EPHA6: variants seen among roughly 807,000 people sequenced by gnomAD.
EPHA6 encodes ephrin type-A receptor 6.
EPHA6 carries 50 observed loss-of-function variants against 112.0 expected under a neutral mutation model. That is an observed-to-expected ratio of 0.45 (90% confidence interval 0.36 to 0.56). The LOEUF is 0.56. EPHA6 is among the 20% of genes least tolerant of loss of function. The probability of loss-of-function intolerance (pLI) is 0.00; values close to 1 mark genes in which losing one functional copy is unlikely to be tolerated. For synonymous variants in EPHA6, 529 were observed against 490.7 expected, an observed-to-expected ratio of 1.08 and a Z score of -1.03; for missense variants, 1,280 against 1,417.4, an observed-to-expected ratio of 0.90 and a Z score of 1.56.
intron 5 of EPHA6, among the ~76,000 whole-genome samples, chr3:97,291,534 T>C (rs894951176): frequency 6.7e-6 from 1 of 149,096 alleles, no homozygotes; most frequent in Non-Finnish European, 1.5e-5. Context: ...AGTTTGTTCT[T>C]TCTTTTTTGT....
intron 11 of EPHA6, among the ~76,000 whole-genome samples, chr3:97,538,561 T>C (rs990735191): frequency 4.6e-5 from 7 of 152,122 alleles, no homozygotes; most frequent in Admixed American, 3.9e-4. Context: ...GTTGAAGTCA[T>C]AGGGAGGATG....
At chr3:97,470,850 G>T (rs771568623) in intron 7 of EPHA6, among the ~76,000 whole-genome samples, 7 of 151,502 alleles carry the variant, frequency 4.6e-5, no homozygotes, top group Non-Finnish European at 8.9e-5. Flanking sequence ...CTTTGTCCAA[G>T]AATACAAGCT....
At chr3:97,672,639 A>C (rs895302641) in intron 14 of EPHA6, among the ~76,000 whole-genome samples, 2 of 152,114 alleles carry the variant, frequency 1.3e-5, no homozygotes, top group Non-Finnish European at 2.9e-5. Context: ...GCAAAATGGA[A>C]GGACAGAGAA....
intron 1 of EPHA6, among the ~76,000 whole-genome samples, chr3:96,849,753 T>C (rs72931385): frequency 0.013 from 2,025 of 152,260 alleles, 49 homozygotes; most frequent in African/African-American, 0.045. Context: ...CTAGCTGTGC[T>C]GACTGGAGGT....
chr3:97,189,471 T>C (rs917551678), intron 3 of EPHA6, among the ~76,000 whole-genome samples: 6 of 152,082 alleles, frequency 3.9e-5, no homozygotes, highest in Non-Finnish European at 7.4e-5. Flanking sequence ...TTTTTTGTCA[T>C]TTTCTCCAAA....
At chr3:97,241,269 T>A (rs1359369554) in intron 4 of EPHA6, among the ~76,000 whole-genome samples, 2 of 151,846 alleles carry the variant, frequency 1.3e-5, no homozygotes, top group Non-Finnish European at 2.9e-5. Flanking sequence ...ATGATGGACT[T>A]GAAAAACAGC....
At chr3:97,668,548 T>C (rs2030405843) in intron 14 of EPHA6, among the ~76,000 whole-genome samples, 2 of 152,140 alleles carry the variant, frequency 1.3e-5, no homozygotes, top group African/African-American at 4.8e-5. Flanking sequence ...TGAAATATTT[T>C]AGCCAGTTGT....
chr3:97,041,172 T>A (rs2045300738), intron 3 of EPHA6, among the ~76,000 whole-genome samples: 1 of 152,150 alleles, frequency 6.6e-6, no homozygotes, highest in Non-Finnish European at 1.5e-5. Flanking sequence ...TCCAACTCTG[T>A]GGGGTCAGTT....
chr3:97,451,751 A>G (rs538735699), intron 7 of EPHA6, among the ~76,000 whole-genome samples: 29 of 152,058 alleles, frequency 1.9e-4, no homozygotes, highest in South Asian at 1.7e-3. Flanking sequence ...GACGGCATCC[A>G]TCTTTTTCTC....
At chr3:96,879,793 T>G (rs114960004) in intron 2 of EPHA6, among the ~76,000 whole-genome samples, 2,197 of 152,226 alleles carry the variant, frequency 0.014, 60 homozygotes, top group African/African-American at 0.05. Flanking sequence ...GGGTTCTTGA[T>G]TTGATTCTCA....
chr3:97,711,295 G>A (rs1042015119), intron 14 of EPHA6, among the ~76,000 whole-genome samples: 1 of 150,726 alleles, frequency 6.6e-6, no homozygotes, highest in Non-Finnish European at 1.5e-5. Context: ...GTGGAACCAT[G>A]AGTCCACTAA....
chr3:97,533,650 C>T (rs1207179320), intron 11 of EPHA6, among the ~76,000 whole-genome samples: 1 of 152,048 alleles, frequency 6.6e-6, no homozygotes, highest in Non-Finnish European at 1.5e-5. Context: ...GGGACATTAG[C>T]AAGTGTGATG....
At chr3:97,513,466 T>A (rs1431556715) in intron 10 of EPHA6, among the ~76,000 whole-genome samples, 1 of 152,200 alleles carries the variant, frequency 6.6e-6, no homozygotes, top group African/African-American at 2.4e-5. Context: ...TGATGTGGTA[T>A]ATGTACACAA....
At chr3:97,027,564 T>C (rs1375984479) in intron 3 of EPHA6, among the ~76,000 whole-genome samples, 1 of 152,202 alleles carries the variant, frequency 6.6e-6, no homozygotes, top group Non-Finnish European at 1.5e-5. Context: ...TGAAGAATAC[T>C]AGTGTCAGTA....
At chr3:97,576,083 G>T (rs562966748) in intron 11 of EPHA6, among the ~76,000 whole-genome samples, 1 of 152,190 alleles carries the variant, frequency 6.6e-6, no homozygotes, top group South Asian at 2.1e-4. Flanking sequence ...GTAGGCTAAG[G>T]GAAATGGGAT....
intron 5 of EPHA6, among the ~76,000 whole-genome samples, chr3:97,305,285 T>A (rs2081269156): frequency 6.6e-6 from 1 of 152,110 alleles, no homozygotes; most frequent in East Asian, 1.9e-4. Context: ...TTGGTAGGAA[T>A]GTAAATTAGT....
chr3:96,880,644 A>C (rs1472012567), intron 2 of EPHA6, among the ~76,000 whole-genome samples: 6 of 152,136 alleles, frequency 3.9e-5, no homozygotes, highest in African/African-American at 1.4e-4. Context: ...TAGAGTGAAA[A>C]TATTTCATCA....
chr3:96,886,663 G>A (rs976752292), intron 2 of EPHA6, among the ~76,000 whole-genome samples: 14 of 152,084 alleles, frequency 9.2e-5, no homozygotes, highest in Non-Finnish European at 1.8e-4. Flanking sequence ...GGAGCATTTA[G>A]GCCATTTACA....
intron 14 of EPHA6, among the ~76,000 whole-genome samples, chr3:97,653,611 T>C (rs1157750277): frequency 6.6e-6 from 1 of 151,856 alleles, no homozygotes; most frequent in African/African-American, 2.4e-5. Context: ...CTCAGAAAAT[T>C]AACGATAGAA....
Sources: allele counts gnomAD v4.1 joint callset (sites outside exome capture counted in the v4.1 genomes callset), GRCh38; gene constraint gnomAD v4.1.1; transcripts MANE v1.5; gene names NCBI Gene and HGNC (gene_info 2026-07-23, HGNC 2026-07-21).